The following PCDH15 variants were observed in gnomAD, a reference collection of about 807,000 sequenced individuals.
The protein encoded by PCDH15 is protocadherin-15.
A neutral mutation model predicts 178.5 loss-of-function variants in PCDH15; 129 were observed. The ratio of observed to expected loss-of-function variants is 0.72; its 90% CI spans 0.63 to 0.84. PCDH15 has a LOEUF of 0.84. PCDH15 is among the 40% of genes least tolerant of loss of function. PCDH15 has a pLI of 0.00. For missense variants in PCDH15, 2,230 were observed against 2,099.9 expected (o/e 1.06, Z -1.21); for synonymous variants, 800 against 732.0 (o/e 1.09, Z -1.50).
intron 1 of PCDH15, among the ~76,000 whole-genome samples, chr10:54,714,243 C>T (rs1376322547): frequency 6.6e-6 from 1 of 152,110 alleles, no homozygotes; most frequent in Non-Finnish European, 1.5e-5. Flanking sequence ...AACTGTCTAT[C>T]GCAAACATCA....
At position 54,242,163 on chromosome 10, in the gene PCDH15, TATATATATATATATATATATATATAC is replaced by T. The variant is rs1564769674; in HGVS notation, c.877-5258_877-5233del. Among the ~76,000 whole-genome samples, 48 of 104,556 alleles carry T rather than the reference TATATATATATATATATATATATATAC, an allele frequency of 4.6e-4. 1 individual carries two copies. Among genetic ancestry groups the T allele is most frequent in the African/African-American group, 1.8e-3 (44 of 24,114 alleles). 68.6% of individuals were successfully genotyped at this position (104,556 alleles called of 152,430 possible). ...ATATATATATATATATATATATATA[TATATATATATATATATATATATATAC>T]ACACACACACATACATACATACACA... is the stretch of plus-strand genomic sequence containing the variant. On this transcript the variant is annotated intron_variant, in intron 8 of 37. Transcript: ENST00000644397.
chr10:54,860,930 T>C (rs1307458632), intron 3 of PCDH15, among the ~76,000 whole-genome samples: 2 of 152,156 alleles, frequency 1.3e-5, no homozygotes, highest in Non-Finnish European at 2.9e-5. Flanking sequence ...AATTTATTTA[T>C]TAAGCACAAT....
chr10:55,131,946 T>A (rs1269725787), intron 2 of PCDH15, among the ~76,000 whole-genome samples: 1 of 152,126 alleles, frequency 6.6e-6, no homozygotes, highest in Non-Finnish European at 1.5e-5. Context: ...GACCTACCCC[T>A]TTCCCCCCAG....
rs750443683 is a variant in PCDH15 at position 53,822,758 on chromosome 10, G to A, written c.4368-2528C>T. The A allele has an allele frequency of 6.2e-6, 10 of 1,614,028 alleles. No individual in the cohort carries two copies. In the East Asian group the frequency reaches 2.2e-4, roughly 36 times the overall value. ...GAAAGCAAAATGAAGAGTCTGAAGA[G>A]AGAGATTTCAACTGTTCTGTTCCTT... is the stretch of plus-strand genomic sequence containing the variant. On this transcript the variant is annotated intron_variant, in intron 32 of 37. Transcript: ENST00000644397.
At chr10:54,015,868 G>A (rs1203988832) in intron 20 of PCDH15, among the ~76,000 whole-genome samples, 3 of 97,460 alleles carry the variant, frequency 3.1e-5, no homozygotes, top group Admixed American at 2.4e-4. Flanking sequence ...GATGCCAAAA[G>A]CAATTTTAAC....
intron 1 of PCDH15, among the ~76,000 whole-genome samples, chr10:55,207,015 C>A (rs1564892024): frequency 1.3e-5 from 2 of 151,938 alleles, no homozygotes; most frequent in South Asian, 4.2e-4. Flanking sequence ...TTGTTTCTCT[C>A]TATATATATC....
At chr10:55,493,083 A>G (rs1173828813) in intron 2 of PCDH15, among the ~76,000 whole-genome samples, 2 of 151,804 alleles carry the variant, frequency 1.3e-5, no homozygotes, top group African/African-American at 4.8e-5. Context: ...GTGTTGCAAC[A>G]TGATATGAGT....
chr10:54,886,969 T>A (rs1954370644), intron 3 of PCDH15, among the ~76,000 whole-genome samples: 1 of 152,208 alleles, frequency 6.6e-6, no homozygotes, highest in Admixed American at 6.5e-5. Context: ...TGTCTATTCT[T>A]TTAAAAATTA....
Position 55,591,292 on chromosome 10 carries a change from A to G in PCDH15, c.-156+36333T>C, listed in dbSNP as rs371796931. Among the ~76,000 whole-genome samples, 4 of 151,992 alleles carry G rather than the reference A, an allele frequency of 2.6e-5. No homozygotes were observed. In the East Asian group the frequency reaches 5.8e-4, roughly 22 times the overall value. ...TACCAAAACTACAAAAAAATTAGCCAAGCATAATGGTGTGCACCGATAGCC... is the reference window on the plus strand; with the variant it reads ...TACCAAAACTACAAAAAAATTAGCCGAGCATAATGGTGTGCACCGATAGCC... On this transcript the variant is annotated intron_variant, in intron 2 of 5. Transcript: ENST00000613346.
chr10:55,386,486 A>G (rs935086633), intron 2 of PCDH15, among the ~76,000 whole-genome samples: 6 of 152,060 alleles, frequency 3.9e-5, no homozygotes, highest in African/African-American at 1.4e-4. Context: ...GTATTGGAGA[A>G]TGCAAGTTAA....
At chr10:54,440,040 A>C (rs36085221) in intron 3 of PCDH15, among the ~76,000 whole-genome samples, 4,519 of 152,096 alleles carry the variant, frequency 0.03, 103 homozygotes, top group African/African-American at 0.059. Flanking sequence ...AATTATAGTA[A>C]ATGGAATTTT....
intron 2 of PCDH15, among the ~76,000 whole-genome samples, chr10:54,550,474 C>T (rs2086434194): frequency 7.8e-6 from 1 of 128,056 alleles, no homozygotes; most frequent in Non-Finnish European, 1.6e-5. Flanking sequence ...GCCCCTGTGC[C>T]TTAGTGTATG....
At chr10:54,092,402 T>C (rs958537426) in intron 15 of PCDH15, among the ~76,000 whole-genome samples, 12 of 152,256 alleles carry the variant, frequency 7.9e-5, no homozygotes, top group African/African-American at 2.9e-4. Flanking sequence ...GCCAATTCTT[T>C]TATTTCTTTG....
At chr10:54,375,723 T>C (rs1266299421) in intron 4 of PCDH15, among the ~76,000 whole-genome samples, 2 of 149,586 alleles carry the variant, frequency 1.3e-5, no homozygotes, top group Admixed American at 1.3e-4. Context: ...CCATTGTTAG[T>C]AGGATCAAAC....
intron 2 of PCDH15, among the ~76,000 whole-genome samples, chr10:55,420,377 C>T (rs1353215880): frequency 2.0e-5 from 3 of 151,600 alleles, no homozygotes; most frequent in African/African-American, 7.3e-5. Flanking sequence ...AGTTTGCAGA[C>T]CCCTTCCCTA....
rs894060142 is a variant in PCDH15 at position 54,815,155 on chromosome 10, T to A, written c.-29+82295A>T. ...CAATAAATATGTTGGTTTTTTTTTT[T>A]ATATTTGTGACAAGTTGAAAAAACT... On this transcript the variant is annotated intron_variant, in intron 3 of 5. Coordinates refer to the PCDH15 transcript ENST00000458638. Among the ~76,000 whole-genome samples, 14 of 150,128 alleles carry A rather than the reference T, an allele frequency of 9.3e-5. No homozygotes were observed. In the South Asian group the frequency reaches 3.0e-3, roughly 32 times the overall value.
intron 8 of PCDH15, among the ~76,000 whole-genome samples, chr10:54,311,177 A>G (rs1357703566): frequency 1.1e-4 from 16 of 152,074 alleles, no homozygotes; most frequent in Admixed American, 5.9e-4. Flanking sequence ...GGGGAGAGAA[A>G]AAGATGACCA....
Position 54,734,550 on chromosome 10 carries a change from A to G in PCDH15, c.-29+66375T>C, listed in dbSNP as rs369276593. ...CAAATGACCTTGCATCACCACCCCT[A>G]GGTATTTACCCAAAACAGATTAAAA... On this transcript the variant is annotated intron_variant, in intron 1 of 37. Transcript: ENST00000644397. Among the ~76,000 whole-genome samples, 5 of 152,102 alleles carry G rather than the reference A, an allele frequency of 3.3e-5. No homozygotes were observed. In the East Asian group the frequency reaches 7.8e-4, roughly 24 times the overall value.
At chr10:54,600,566 C>A in intron 2 of PCDH15, 1 of 585,656 alleles carries the variant, frequency 1.7e-6, no homozygotes, top group Non-Finnish European at 3.4e-6. Context: ...AAACTGTAAC[C>A]ATCACTCAAA....
Sources: gnomAD v4.1 joint callset for allele counts (sites outside exome capture counted in the v4.1 genomes callset) on GRCh38, gnomAD v4.1.1 for gene constraint, MANE v1.5 for transcripts, NCBI Gene and HGNC (gene_info 2026-07-23, HGNC 2026-07-21) for gene names.